Variants in RYK observed in about 807,000 individuals in gnomAD.
The protein encoded by RYK is inactive tyrosine-protein kinase RYK.
A neutral mutation model predicts 70.2 loss-of-function variants in RYK; 21 were observed. The ratio of observed to expected loss-of-function variants is 0.30; its 90% CI spans 0.21 to 0.43. RYK has a LOEUF of 0.43. RYK is among the 20% of genes least tolerant of loss of function. The pLI, the probability that RYK is intolerant of heterozygous loss-of-function variation, is 1.00. For synonymous variants in RYK, 267 were observed against 278.0 expected (o/e 0.96, Z 0.39); for missense variants, 604 against 753.3 (o/e 0.80, Z 2.32).
At chr3:134,250,215 G>C (rs987805880) in intron 1 of RYK, among the ~76,000 whole-genome samples, 1 of 152,006 alleles carries the variant, frequency 6.6e-6, no homozygotes, top group Non-Finnish European at 1.5e-5. Context: ...AGGGCGGCAC[G>C]AAGGCTGACC....
chr3:134,184,784 CAAAT>C (rs1331322597), intron 9 of RYK, among the ~76,000 whole-genome samples: 1 of 150,082 alleles, frequency 6.7e-6, no homozygotes, highest in Non-Finnish European at 1.5e-5. Flanking sequence ...TAATAATAAA[CAAAT>C]AAGAAGTGGG....
At chr3:134,229,116 T>C (rs1271357582) in intron 1 of RYK, among the ~76,000 whole-genome samples, 2 of 152,138 alleles carry the variant, frequency 1.3e-5, no homozygotes, top group Non-Finnish European at 1.5e-5. Context: ...ATCTGAGATA[T>C]AAACCTAAAT....
chr3:134,164,942 T>C (rs1283799763), intron 13 of RYK, among the ~76,000 whole-genome samples: 2 of 152,242 alleles, frequency 1.3e-5, no homozygotes, highest in African/African-American at 4.8e-5. Flanking sequence ...CAGTATCTCA[T>C]TGTGGTTTAA....
intron 1 of RYK, among the ~76,000 whole-genome samples, chr3:134,232,384 A>C (rs1361139700): frequency 3.3e-5 from 5 of 152,208 alleles, no homozygotes; most frequent in Non-Finnish European, 2.9e-5. Flanking sequence ...TGAATGCTGC[A>C]TAATCCTGGA....
chr3:134,186,761 TA>T (rs2013478856), intron 9 of RYK, among the ~76,000 whole-genome samples: 1 of 152,178 alleles, frequency 6.6e-6, no homozygotes, highest in South Asian at 2.1e-4. Flanking sequence ...CTTCCAACCC[TA>T]AATCAACCCA....
chr3:134,166,468 C>T (rs2012671339), intron 13 of RYK, among the ~76,000 whole-genome samples: 1 of 152,226 alleles, frequency 6.6e-6, no homozygotes, highest in African/African-American at 2.4e-5. Context: ...CAACTTCAAA[C>T]ATCAGCAATC....
chr3:134,179,062 C>T (rs1208123953), intron 10 of RYK: 9 of 151,934 alleles, frequency 5.9e-5, no homozygotes, highest in Non-Finnish European at 1.3e-4. Context: ...GAAAGAATAA[C>T]AGGATAATAA....
At chr3:134,235,633 T>C (rs927526068) in intron 1 of RYK, among the ~76,000 whole-genome samples, 1 of 152,150 alleles carries the variant, frequency 6.6e-6, no homozygotes, top group African/African-American at 2.4e-5. Flanking sequence ...AGGGGCTAGA[T>C]AACCTAGTTG....
At position 134,190,785 on chromosome 3, in the gene RYK, C is replaced by T. The variant is rs187847537; in HGVS notation, c.1015+1064G>A. ...ACTACAACAGATTGCCTATTCTATCCCATTCAGAGACCAAAAGAAACTGCA... is the reference window on the plus strand; with the variant it reads ...ACTACAACAGATTGCCTATTCTATCTCATTCAGAGACCAAAAGAAACTGCA... On this transcript the variant is annotated intron_variant, in intron 8 of 14. Transcript: ENST00000623711. 2.0e-5 allele frequency among the ~76,000 whole-genome samples: 3 copies of T among 152,250 alleles called. No individual in the cohort carries two copies. In the East Asian group the frequency reaches 5.8e-4, roughly 29 times the overall value.
In RYK at chr3:134,247,702, C is replaced by CAA. The variant is rs34233640; in HGVS notation, c.232+2719_232+2720dup. On this transcript the variant is annotated intron_variant, in intron 1 of 14. Coordinates refer to ENST00000623711, the MANE Select transcript of RYK (RefSeq NM_002958.4). ...GGGCAACAAGAGCGAAACTCCGTCT[C>CAA]AAAAAAAAAAAAAAGCCTTTTGGTT... 3.9e-3 allele frequency among the ~76,000 whole-genome samples: 407 copies of CAA among 104,840 alleles called. 1 individual carries two copies. The highest frequency in any genetic ancestry group is 0.013 in the African/African-American group (376 of 28,060). The allele number at this position is 104,840 out of a possible 152,430, so 68.8% of individuals were successfully genotyped here.
Position 134,191,910 on chromosome 3 carries a change from G to C in RYK, c.954C>G (p.Gly318=). Reference sequence around the variant, plus strand: ...TGGATATTGCTATATCCTTCACCTTGCCTTTGGCCTCCAAAAGAGTGACAC... The same window carrying C: ...TGGATATTGCTATATCCTTCACCTTCCCTTTGGCCTCCAAAAGAGTGACAC... ...LRSVTLLEAK[G]KVKDIAISRE... Residue 318 remains glycine (G), a synonymous_variant, in exon 8 of 15, where the codon GGC becomes GGG. Coordinates refer to ENST00000623711, the MANE Select transcript of RYK (RefSeq NM_002958.4). 6.2e-7 allele frequency: 1 copy of C among 1,612,608 alleles called. No homozygotes were observed. Among genetic ancestry groups the C allele is most frequent in the Non-Finnish European group, 8.5e-7 (1 of 1,179,108 alleles).
At chr3:134,250,092 T>C (rs1050192966) in intron 1 of RYK, among the ~76,000 whole-genome samples, 1 of 151,934 alleles carries the variant, frequency 6.6e-6, no homozygotes, top group Non-Finnish European at 1.5e-5. Context: ...AAAAACTTCG[T>C]GCAGCAAGGA....
intron 7 of RYK, among the ~76,000 whole-genome samples, chr3:134,194,820 GC>G (rs1172630573): frequency 6.6e-6 from 1 of 152,112 alleles, no homozygotes; most frequent in East Asian, 1.9e-4. Context: ...TGACTTAGTA[GC>G]CCTTTTAGTA....
chr3:134,235,924 G>A (rs2015188572), intron 1 of RYK, among the ~76,000 whole-genome samples: 1 of 152,104 alleles, frequency 6.6e-6, no homozygotes, highest in African/African-American at 2.4e-5. Context: ...GACTGAGAAG[G>A]AAGGTAGGTG....
At position 134,209,742 on chromosome 3, in the gene RYK, T is replaced by A; in HGVS notation, c.542A>T (p.Lys181Ile). ...TTTAAAATTTAAGACGGTAAAATTT[T>A]TTGAAGAATTTACTGTCAAGTTGAG... is the stretch of plus-strand genomic sequence containing the variant. ...MQLNLTVNSSKNFTVLNFKRR... is the reference protein window; with the variant it reads ...MQLNLTVNSSINFTVLNFKRR... The change falls in exon 4 of 15, where the codon AAA becomes ATA. Residue 181 changes from lysine (K) to isoleucine (I), a missense_variant. Coordinates refer to ENST00000623711, the MANE Select transcript of RYK (RefSeq NM_002958.4). 9 of 1,503,276 alleles carry A rather than the reference T, an allele frequency of 6.0e-6. No individual in the cohort carries two copies. The highest frequency in any genetic ancestry group is 8.0e-6 in the Non-Finnish European group (9 of 1,125,768). The allele number at this position is 1,503,276 out of a possible 1,614,324, so 93.1% of individuals were successfully genotyped here.
chr3:134,228,711 G>C (rs374994688), intron 1 of RYK, among the ~76,000 whole-genome samples: 15 of 152,248 alleles, frequency 9.9e-5, no homozygotes, highest in African/African-American at 3.4e-4. Context: ...GGCGGGGAGG[G>C]GAAAGTGGAG....
At chr3:134,198,473 T>A (rs928486977) in intron 6 of RYK, among the ~76,000 whole-genome samples, 46 of 151,212 alleles carry the variant, frequency 3.0e-4, no homozygotes, top group Admixed American at 1.2e-3. Context: ...CCAGTAAGGA[T>A]TTTTTTTGTT....
At chr3:134,198,167 C>A (rs762177202) in intron 6 of RYK, among the ~76,000 whole-genome samples, 4 of 152,122 alleles carry the variant, frequency 2.6e-5, no homozygotes, top group Non-Finnish European at 5.9e-5. Context: ...TAGTTTATAG[C>A]CAGTCTAAAT....
intron 1 of RYK, among the ~76,000 whole-genome samples, chr3:134,241,614 G>C (rs915231218): frequency 6.6e-6 from 1 of 152,190 alleles, no homozygotes; most frequent in African/African-American, 2.4e-5. Flanking sequence ...CCCCATCTCA[G>C]ATCAATTCAA....
Sources: allele counts gnomAD v4.1 joint callset (sites outside exome capture counted in the v4.1 genomes callset), GRCh38; gene constraint gnomAD v4.1.1; transcripts MANE v1.5; gene names NCBI Gene and HGNC (gene_info 2026-07-23, HGNC 2026-07-21).